FLRT1: variants seen among roughly 807,000 people sequenced by gnomAD.
FLRT1 encodes the protein fibronectin leucine rich transmembrane protein 1.
In FLRT1, 14 loss-of-function variants were observed where a neutral mutation model predicts 30.9. That is an observed-to-expected ratio of 0.45 (90% CI 0.30 to 0.71). The LOEUF is 0.71. Among genes scored for constraint, FLRT1 ranks in the 30% least tolerant of loss-of-function variants. FLRT1 has a pLI of 0.08. For synonymous variants in FLRT1, 368 were observed against 430.4 expected (o/e 0.85, Z 1.80); for missense variants, 737 against 949.2 (o/e 0.78, Z 2.94).
chr11:64,039,617 C>CCG (rs1354602788), intron 1 of FLRT1, among the ~76,000 whole-genome samples: 1 of 152,192 alleles, frequency 6.6e-6, no homozygotes, highest in East Asian at 1.9e-4. Context: ...CTCCTCCCCC[C>CCG]GGACAGCCTG....
intron 1 of FLRT1, among the ~76,000 whole-genome samples, chr11:64,065,827 C>G (rs1590860937): frequency 6.6e-6 from 1 of 151,644 alleles, no homozygotes; most frequent in South Asian, 2.1e-4. Flanking sequence ...CAAGGAGACT[C>G]CCCCTCTCTC....
At chr11:64,081,063 C>G (rs1277832591) in intron 1 of FLRT1, among the ~76,000 whole-genome samples, 1 of 152,200 alleles carries the variant, frequency 6.6e-6, no homozygotes, top group Non-Finnish European at 1.5e-5. Context: ...GCCCTGTCCC[C>G]TAGGCTGGAG....
At chr11:64,068,006 C>A (rs72918414) in intron 1 of FLRT1, among the ~76,000 whole-genome samples, 1 of 152,120 alleles carries the variant, frequency 6.6e-6, no homozygotes, top group Non-Finnish European at 1.5e-5. Flanking sequence ...AAGCTCAGAA[C>A]GGAAAACCGC....
chr11:64,091,630 C>G (rs1944492689), intron 1 of FLRT1, among the ~76,000 whole-genome samples: 1 of 152,140 alleles, frequency 6.6e-6, no homozygotes, highest in Non-Finnish European at 1.5e-5. Flanking sequence ...CCACCATCCC[C>G]CCATCCGACA....
At chr11:64,072,876 C>T (rs760611978) in intron 1 of FLRT1, among the ~76,000 whole-genome samples, 5 of 152,220 alleles carry the variant, frequency 3.3e-5, no homozygotes, top group African/African-American at 9.7e-5. Flanking sequence ...CATAAACCTA[C>T]GTGTGGAGCA....
At chr11:64,111,556 G>A (rs1024306569) in intron 2 of FLRT1, among the ~76,000 whole-genome samples, 1 of 152,194 alleles carries the variant, frequency 6.6e-6, no homozygotes, top group Admixed American at 6.5e-5. Context: ...TGTGACCTTG[G>A]CTGGGCCCCT....
intron 1 of FLRT1, among the ~76,000 whole-genome samples, chr11:64,070,148 G>A (rs116545445): frequency 1.2e-3 from 186 of 152,284 alleles, no homozygotes; most frequent in African/African-American, 4.2e-3. Flanking sequence ...ACTGAGGCCC[G>A]GAGAGACCAG....
chr11:64,056,579 C>T (rs1449690123), intron 1 of FLRT1, among the ~76,000 whole-genome samples: 7 of 152,186 alleles, frequency 4.6e-5, no homozygotes, highest in African/African-American at 7.2e-5. Flanking sequence ...CCAAAGGCTG[C>T]GGCCAGGGTG....
intron 1 of FLRT1, among the ~76,000 whole-genome samples, chr11:64,101,610 G>C (rs1031477175): frequency 2.6e-5 from 4 of 152,098 alleles, no homozygotes; most frequent in Non-Finnish European, 5.9e-5. Flanking sequence ...TCCATCTCTC[G>C]CTTTCATGGA....
chr11:64,101,750 C>T (rs1260224136), intron 1 of FLRT1, among the ~76,000 whole-genome samples: 2 of 152,220 alleles, frequency 1.3e-5, no homozygotes, highest in South Asian at 2.1e-4. Context: ...TAAGCCCCAC[C>T]GTACCCCTTC....
At chr11:64,056,300 C>T (rs1017376570) in intron 1 of FLRT1, among the ~76,000 whole-genome samples, 8 of 152,034 alleles carry the variant, frequency 5.3e-5, no homozygotes, top group African/African-American at 1.7e-4. Context: ...CTGCTGCAGC[C>T]CCTACACGTT....
At chr11:64,111,042 A>G (rs923990400) in intron 2 of FLRT1, among the ~76,000 whole-genome samples, 14 of 152,186 alleles carry the variant, frequency 9.2e-5, no homozygotes, top group Non-Finnish European at 4.4e-5. Context: ...CTGCCTCCCA[A>G]ATGCTTCTTG....
In FLRT1 at chr11:64,117,137, G is replaced by C. The variant is rs202201413; in HGVS notation, c.870G>C (p.Leu290=). The change falls in exon 3 of 3, where the codon CTG becomes CTC. Residue 290 remains leucine, a synonymous_variant. Coordinates refer to ENST00000682287, the MANE Select transcript of FLRT1 (RefSeq NM_013280.5). ...TCAGCCACATCCCCTACAACACGCT[G>C]GCCAAGATGCGTGAGCTGGAGCGGC... ...NAISHIPYNT[L]AKMRELERLD... 6.2e-7 allele frequency: 1 copy of C among 1,613,284 alleles called. No individual in the cohort carries two copies. Among genetic ancestry groups the C allele is most frequent in the East Asian group, 2.2e-5 (1 of 44,834 alleles).
rs556466101 is a variant in FLRT1 at position 64,090,216 on chromosome 11, T to C, written c.-1037-12978T>C. Among the ~76,000 whole-genome samples the C allele has an allele frequency of 1.3e-5, 2 of 152,090 alleles. 1 individual carries two copies. The highest frequency in any genetic ancestry group is 4.8e-5 in the African/African-American group (2 of 41,512). Reference sequence around the variant, plus strand: ...AGCCTGAGTCCACAGGGTGACAGGGTGTGGGAAAGGCCAACGGGCGTGTGG... The same window carrying C: ...AGCCTGAGTCCACAGGGTGACAGGGCGTGGGAAAGGCCAACGGGCGTGTGG... On this transcript the variant is annotated intron_variant, in intron 1 of 2. Transcript: ENST00000682287. The surrounding 1 kb of genome is among the most constrained non-coding windows in gnomAD (Gnocchi z 4.7).
At position 64,116,798 on chromosome 11, in the gene FLRT1, A is replaced by C; in HGVS notation, c.531A>C (p.Lys177Asn). 6.2e-7 allele frequency: 1 copy of C among 1,613,448 alleles called. No individual in the cohort carries two copies. Among genetic ancestry groups the C allele is most frequent in the Non-Finnish European group, 8.5e-7 (1 of 1,180,010 alleles). The change falls in exon 3 of 3, where the codon AAA becomes AAC. Residue 177 changes from lysine (K) to asparagine (N), a missense_variant. Transcript: ENST00000682287. Reference sequence around the variant, plus strand: ...AGGAGGACGCCTTCGCCGACAGCAAACAGCTCAAGCTGCTCTTCCTGAGCC... The same window carrying C: ...AGGAGGACGCCTTCGCCGACAGCAACCAGCTCAAGCTGCTCTTCCTGAGCC... ...SIEEDAFADS[K>N]QLKLLFLSRN...
intron 1 of FLRT1, chr11:64,060,385 G>A (rs1394632622): frequency 6.6e-6 from 1 of 152,258 alleles, no homozygotes; most frequent in Non-Finnish European, 1.5e-5. Context: ...AGACCCAGAA[G>A]GCCTCGGATT....
intron 1 of FLRT1, among the ~76,000 whole-genome samples, chr11:64,047,604 G>C (rs1421054319): frequency 6.6e-6 from 1 of 152,084 alleles, no homozygotes; most frequent in Non-Finnish European, 1.5e-5. Flanking sequence ...GAGGTTAATA[G>C]AGGGAAGGAA....
chr11:64,074,226 C>T (rs1944160654), intron 1 of FLRT1, among the ~76,000 whole-genome samples: 1 of 152,180 alleles, frequency 6.6e-6, no homozygotes, highest in Admixed American at 6.5e-5. Flanking sequence ...CCCCAAGGCC[C>T]CAGAATGCAG....
intron 1 of FLRT1, among the ~76,000 whole-genome samples, chr11:64,049,690 T>C (rs1943654247): frequency 6.6e-6 from 1 of 152,226 alleles, no homozygotes; most frequent in Non-Finnish European, 1.5e-5. Context: ...CTCAGTGATC[T>C]GCGGGGCAGG....
Sources: allele counts gnomAD v4.1 joint callset (sites outside exome capture counted in the v4.1 genomes callset), GRCh38; gene constraint gnomAD v4.1.1; non-coding constraint Gnocchi (gnomAD v3.1); transcripts MANE v1.5; gene names NCBI Gene and HGNC (gene_info 2026-07-23, HGNC 2026-07-21).